The following NDE1 variants were observed in gnomAD, a reference collection of about 807,000 sequenced individuals.
NDE1 encodes nuclear distribution protein nudE homolog 1.
NDE1 carries 28 observed loss-of-function variants against 43.4 expected under a neutral mutation model. That is an observed-to-expected ratio of 0.65 (90% confidence interval 0.48 to 0.89). The LOEUF (loss-of-function observed/expected upper bound fraction) is 0.89. NDE1 is among the 40% of genes least tolerant of loss of function. NDE1 has a pLI of 0.00. For missense variants in NDE1, 441 were observed against 434.1 expected, an observed-to-expected ratio of 1.02 and a Z score of -0.14; for synonymous variants, 184 against 172.0, an observed-to-expected ratio of 1.07 and a Z score of -0.55.
At chr16:15,712,791 CAG>C (rs1161013684) in intron 8 of NDE1, 2 of 138,362 alleles carry the variant, frequency 1.4e-5, no homozygotes, top group Admixed American at 1.4e-4. Context: ...GCTGCCCTGT[CAG>C]GGGACCTCTG....
Position 15,721,075 on chromosome 16 carries a change from A to G in NDE1, c.948-3116A>G, listed in dbSNP as rs1328018943. 3 of 1,611,704 alleles carry G rather than the reference A, an allele frequency of 1.9e-6. No individual in the cohort carries two copies. In the Admixed American group the frequency reaches 5.0e-5, roughly 27 times the overall value. On this transcript the variant is annotated intron_variant, in intron 8 of 8. Coordinates refer to ENST00000396354, the MANE Select transcript of NDE1 (RefSeq NM_017668.3). Reference sequence around the variant, plus strand: ...ACCTGCCGGCAGAGCGGGCAGCCCCATTCTATGAGGCTCAACTTCATGAAG... The same window carrying G: ...ACCTGCCGGCAGAGCGGGCAGCCCCGTTCTATGAGGCTCAACTTCATGAAG...
At chr16:15,694,871 G>A (rs1259493575) in intron 7 of NDE1, 1 of 985,228 alleles carries the variant, frequency 1.0e-6, no homozygotes, top group African/African-American at 1.7e-5. Context: ...AAATTAAGGA[G>A]CACTTGGAAA....
intron 8 of NDE1, chr16:15,721,139 T>C: frequency 6.9e-7 from 1 of 1,446,736 alleles, no homozygotes; most frequent in Non-Finnish European, 9.6e-7. Flanking sequence ...CCTCAGGAGA[T>C]CAGGGAGGTG....
upstream of NDE1, chr16:15,650,208 G>T: frequency 5.5e-6 from 1 of 180,486 alleles, no homozygotes; most frequent in South Asian, 1.3e-4. Context: ...TCCGGGGCGG[G>T]GGCGGGGTCC....
At chr16:15,718,649 G>A in intron 8 of NDE1, 1 of 671,996 alleles carries the variant, frequency 1.5e-6, no homozygotes, top group Non-Finnish European at 2.5e-6. Flanking sequence ...AGCTGGGATT[G>A]GGATGGGGAC....
At chr16:15,717,222 CG>C in intron 8 of NDE1, 1 of 1,614,172 alleles carries the variant, frequency 6.2e-7, no homozygotes, top group Non-Finnish European at 8.5e-7. Flanking sequence ...TTGGACTTGA[CG>C]GCCCCCTCCA....
intron 4 of NDE1, among the ~76,000 whole-genome samples, chr16:15,679,008 C>G (rs541412204): frequency 6.6e-6 from 1 of 151,908 alleles, no homozygotes; most frequent in Non-Finnish European, 1.5e-5. Context: ...CTGGGAAGGG[C>G]GGAGCGTGTA....
rs776028677 is a variant in NDE1 at position 15,715,309 on chromosome 16, G to T, written c.948-8882G>T. 5 of 1,605,720 alleles carry T rather than the reference G, an allele frequency of 3.1e-6. No homozygotes were observed. In the African/African-American group the frequency reaches 5.4e-5, roughly 17 times the overall value. On this transcript the variant is annotated intron_variant, in intron 8 of 8. Transcript: ENST00000396354. ...AAGGAAAACAGGTGGTTTCAGCGGA[G>T]GGTGGCACCCCTTGTAGCTGGTGTG... is the stretch of plus-strand genomic sequence containing the variant.
At chr16:15,692,619 G>A (rs1400966975) in intron 6 of NDE1, among the ~76,000 whole-genome samples, 3 of 151,850 alleles carry the variant, frequency 2.0e-5, no homozygotes, top group South Asian at 2.1e-4. Context: ...CATGTTGGCC[G>A]GGCTGGTCTC....
At chr16:15,716,090 G>A (rs1375622607) in intron 8 of NDE1, among the ~76,000 whole-genome samples, 1 of 152,052 alleles carries the variant, frequency 6.6e-6, no homozygotes, top group Non-Finnish European at 1.5e-5. Flanking sequence ...AACAGAGTGA[G>A]ACTATGTCTC....
Position 15,725,150 on chromosome 16 carries a change from C to T in NDE1, c.*899C>T. 2 of 522,720 alleles carry T rather than the reference C, an allele frequency of 3.8e-6. No homozygotes were observed. The highest frequency in any genetic ancestry group is 6.6e-5 in the Admixed American group (2 of 30,364). 32.4% of individuals were successfully genotyped at this position (522,720 alleles called of 1,614,324 possible). On this transcript the variant is annotated 3_prime_UTR_variant, in exon 9 of 9. Transcript: ENST00000396354. ...GGACTCTGATAAAAAAAAAAAAAAA[C>T]ACACACACACACAAAAAAAACAGAA... is the stretch of plus-strand genomic sequence containing the variant.
At chr16:15,714,141 G>C (rs534484373) in intron 8 of NDE1, 3 of 152,858 alleles carry the variant, frequency 2.0e-5, no homozygotes, top group Admixed American at 2.0e-4. Context: ...AGGAAGCCCG[G>C]AGCTAAAACC....
At chr16:15,700,000 C>T in intron 8 of NDE1, 1 of 1,187,162 alleles carries the variant, frequency 8.4e-7, no homozygotes, top group South Asian at 1.6e-5. Flanking sequence ...GGGGTTTGTC[C>T]CTGGGAAATG....
At chr16:15,655,945 C>T (rs1206360223) in intron 1 of NDE1, among the ~76,000 whole-genome samples, 2 of 130,948 alleles carry the variant, frequency 1.5e-5, no homozygotes, top group African/African-American at 5.9e-5. Flanking sequence ...CACATGGACA[C>T]AGGAAGGGGA....
intron 8 of NDE1, among the ~76,000 whole-genome samples, chr16:15,697,555 A>G (rs887086355): frequency 9.2e-5 from 14 of 152,036 alleles, no homozygotes; most frequent in Admixed American, 3.3e-4. Context: ...ACCAAAAAAA[A>G]TAGAAAAATG....
At chr16:15,692,832 G>A (rs1279742881) in intron 6 of NDE1, among the ~76,000 whole-genome samples, 3 of 151,724 alleles carry the variant, frequency 2.0e-5, no homozygotes, top group South Asian at 2.1e-4. Context: ...CAACTCCTGG[G>A]CTCCAGTGAT....
rs754951425 is a variant in NDE1, at chr16:15,724,748, G to A, written c.*497G>A. The stretch of plus-strand genomic sequence containing the variant: ...CTGTTCCGCTCCTCCTCCAGCTGGC[G>A]CAGCTTCGTAGACACGTTGAGCTTC... On this transcript the variant is annotated 3_prime_UTR_variant, in exon 9 of 9. Coordinates refer to ENST00000396354, the MANE Select transcript of NDE1 (RefSeq NM_017668.3). 5.6e-6 allele frequency: 9 copies of A among 1,614,074 alleles called. No homozygotes were observed. The highest frequency in any genetic ancestry group is 1.3e-5 in the African/African-American group (1 of 75,006).
chr16:15,692,261 T>A (rs768173699), intron 6 of NDE1, among the ~76,000 whole-genome samples: 4 of 152,032 alleles, frequency 2.6e-5, no homozygotes, highest in Non-Finnish European at 4.4e-5. Flanking sequence ...TTAAGCAGAG[T>A]CATGAAGCAA....
chr16:15,680,782 C>T (rs528358145), intron 4 of NDE1, among the ~76,000 whole-genome samples: 2 of 152,128 alleles, frequency 1.3e-5, no homozygotes, highest in Non-Finnish European at 2.9e-5. Flanking sequence ...TCAAGTGATC[C>T]ACCTGCCTCA....
Sources: gnomAD v4.1 joint callset for allele counts (sites outside exome capture counted in the v4.1 genomes callset) on GRCh38, gnomAD v4.1.1 for gene constraint, MANE v1.5 for transcripts, NCBI Gene and HGNC (gene_info 2026-07-23, HGNC 2026-07-21) for gene names.